BBOX1: variants seen among roughly 807,000 people sequenced by gnomAD.
The protein encoded by BBOX1 is gamma-butyrobetaine dioxygenase.
In BBOX1, 35 loss-of-function variants were observed where a neutral mutation model predicts 41.6. That is an observed-to-expected ratio of 0.84 (90% CI 0.64 to 1.11). BBOX1 has a LOEUF of 1.11. BBOX1 is among the 50% of genes most tolerant of loss of function. The pLI, the probability that BBOX1 is intolerant of heterozygous loss-of-function variation, is 0.00. For missense variants in BBOX1, 458 were observed against 460.6 expected (o/e 0.99, Z 0.05); for synonymous variants, 163 against 154.7 (o/e 1.05, Z -0.40).
chr11:27,065,892 G>T (rs564841487), intron 4 of BBOX1, among the ~76,000 whole-genome samples: 36 of 152,158 alleles, frequency 2.4e-4, no homozygotes, highest in African/African-American at 8.2e-4. Flanking sequence ...TGCTAGACGG[G>T]ACCTTGAAAA....
At chr11:27,080,425 T>C (rs1857796294) in intron 4 of BBOX1, among the ~76,000 whole-genome samples, 1 of 152,078 alleles carries the variant, frequency 6.6e-6, no homozygotes, top group African/African-American at 2.4e-5. Flanking sequence ...GTAATATATG[T>C]CATTATTGGG....
Position 27,125,600 on chromosome 11 carries a change from A to C in BBOX1, c.837-54A>C. 3.7e-6 allele frequency: 5 copies of C among 1,345,716 alleles called. 1 individual carries two copies. The highest frequency in any genetic ancestry group is 2.0e-6 in the Non-Finnish European group (2 of 1,010,434). The allele number at this position is 1,345,716 out of a possible 1,614,324, so 83.4% of individuals were successfully genotyped here. A position where few individuals can be genotyped will look rare whatever the true frequency, so the allele number is the denominator to read the frequency against. On this transcript the variant is annotated intron_variant, in intron 7 of 8. Transcript: ENST00000263182. ...TTTGAAGAGGAATTGACTCTTATCA[A>C]TGTAAATAGATATTTCATGAATTAT...
intron 2 of BBOX1, among the ~76,000 whole-genome samples, chr11:27,051,700 C>T (rs561143136): frequency 4.0e-5 from 6 of 151,868 alleles, no homozygotes; most frequent in Middle Eastern, 3.5e-3. Context: ...AGTCTTCTCT[C>T]TTTGTTTCTT....
At chr11:27,082,420 G>T (rs1024456029) in intron 4 of BBOX1, among the ~76,000 whole-genome samples, 1 of 152,232 alleles carries the variant, frequency 6.6e-6, no homozygotes, top group East Asian at 1.9e-4. Flanking sequence ...TCATAGAGGA[G>T]AGTCACAAGG....
intron 4 of BBOX1, among the ~76,000 whole-genome samples, chr11:27,092,481 T>C (rs564963683): frequency 6.6e-6 from 1 of 151,996 alleles, no homozygotes; most frequent in African/African-American, 2.4e-5. Context: ...ATTTTTTACA[T>C]TTTTCTTTCT....
intron 2 of BBOX1, among the ~76,000 whole-genome samples, chr11:27,041,968 A>T (rs2096014138): frequency 6.6e-6 from 1 of 152,176 alleles, no homozygotes; most frequent in Non-Finnish European, 1.5e-5. Flanking sequence ...GCTGACTATA[A>T]CATGCCTCTT....
rs573372384 is a variant in BBOX1, at chr11:27,102,720, C to T, written c.533+9354C>T. Among the ~76,000 whole-genome samples the T allele has an allele frequency of 7.2e-5, 11 of 152,164 alleles. No homozygotes were observed. In the East Asian group the frequency reaches 1.4e-3, roughly 19 times the overall value. ...TTTGGTTTTCTGAAGTCCATTCTCT[C>T]GTAAATTCCTAAGGAAGGCCTCATA... On this transcript the variant is annotated intron_variant, in intron 5 of 8. Coordinates refer to ENST00000263182, the MANE Select transcript of BBOX1 (RefSeq NM_003986.3).
At chr11:27,056,448 G>A (rs959699184) in intron 3 of BBOX1, among the ~76,000 whole-genome samples, 7 of 152,048 alleles carry the variant, frequency 4.6e-5, no homozygotes, top group Non-Finnish European at 7.4e-5. Context: ...AGTAAAGACG[G>A]GGTTTCACCA....
intron 4 of BBOX1, among the ~76,000 whole-genome samples, chr11:27,081,811 G>C (rs1198992577): frequency 6.6e-6 from 1 of 152,170 alleles, no homozygotes; most frequent in Admixed American, 6.5e-5. Flanking sequence ...GACCAGTGAT[G>C]ATGAGCATTT....
At chr11:27,066,165 C>T (rs929350707) in intron 4 of BBOX1, among the ~76,000 whole-genome samples, 4 of 152,090 alleles carry the variant, frequency 2.6e-5, no homozygotes, top group East Asian at 1.9e-4. Context: ...TAGTGAATGA[C>T]GAGCTCCATT....
chr11:27,090,199 C>T (rs1246925935), intron 4 of BBOX1, among the ~76,000 whole-genome samples: 1 of 151,860 alleles, frequency 6.6e-6, no homozygotes, highest in African/African-American at 2.4e-5. Flanking sequence ...AAATTGAATA[C>T]CTATTGGGGG....
At chr11:27,061,086 G>A (rs902725474) in intron 4 of BBOX1, among the ~76,000 whole-genome samples, 1 of 151,948 alleles carries the variant, frequency 6.6e-6, no homozygotes, top group Admixed American at 6.6e-5. Context: ...AATCCTATTG[G>A]ATTTTACTTT....
intron 4 of BBOX1, among the ~76,000 whole-genome samples, chr11:27,057,617 C>T (rs1223374869): frequency 6.6e-6 from 1 of 152,126 alleles, no homozygotes; most frequent in Admixed American, 6.5e-5. Context: ...GTGTTCACTA[C>T]AAAGAAGCAG....
intron 7 of BBOX1, among the ~76,000 whole-genome samples, chr11:27,120,071 G>A (rs559440819): frequency 1.4e-3 from 215 of 151,992 alleles, no homozygotes; most frequent in African/African-American, 4.8e-3. Flanking sequence ...AAGATTTCAC[G>A]TATACTTCAT....
intron 5 of BBOX1, among the ~76,000 whole-genome samples, chr11:27,095,850 A>C (rs1413185946): frequency 6.6e-6 from 1 of 152,044 alleles, no homozygotes; most frequent in Non-Finnish European, 1.5e-5. Flanking sequence ...AGTAATGTGC[A>C]AAAGTGATAC....
chr11:27,084,817 G>A (rs1426929915), intron 4 of BBOX1, among the ~76,000 whole-genome samples: 1 of 152,108 alleles, frequency 6.6e-6, no homozygotes, highest in African/African-American at 2.4e-5. Context: ...GAAACCTTGT[G>A]CAAATGGTTC....
chr11:27,114,968 G>A (rs553294124), intron 5 of BBOX1, among the ~76,000 whole-genome samples: 3 of 151,774 alleles, frequency 2.0e-5, no homozygotes, highest in South Asian at 2.1e-4. Flanking sequence ...TTGGAGAAGG[G>A]TAGAATGGAA....
intron 2 of BBOX1, among the ~76,000 whole-genome samples, chr11:27,046,894 G>T (rs1362878847): frequency 1.4e-5 from 2 of 140,876 alleles, no homozygotes; most frequent in Non-Finnish European, 3.0e-5. Flanking sequence ...GAAAGCATTT[G>T]CTTTTAAACA....
At chr11:27,074,493 A>G (rs900013251) in intron 4 of BBOX1, among the ~76,000 whole-genome samples, 2 of 152,124 alleles carry the variant, frequency 1.3e-5, no homozygotes, top group South Asian at 4.1e-4. Flanking sequence ...GTCCAGGCTG[A>G]GGTAGTCTCA....
Sources: allele counts gnomAD v4.1 joint callset (sites outside exome capture counted in the v4.1 genomes callset), GRCh38; gene constraint gnomAD v4.1.1; transcripts MANE v1.5; gene names NCBI Gene and HGNC (gene_info 2026-07-23, HGNC 2026-07-21).